The following C2orf49 variants were observed in gnomAD, a reference collection of about 807,000 sequenced individuals.
C2orf49 encodes the protein tRNA splicing ligase complex subunit 2.
A neutral mutation model predicts 20.6 loss-of-function variants in C2orf49; 11 were observed. The ratio of observed to expected loss-of-function variants is 0.53; its 90% confidence interval spans 0.34 to 0.88. C2orf49 has a LOEUF of 0.88. C2orf49 is among the 40% of genes least tolerant of loss of function. The pLI is 0.02. For synonymous variants in C2orf49, 134 were observed against 108.5 expected (o/e 1.24, Z -1.46); for missense variants, 289 against 274.2 (o/e 1.05, Z -0.38).
intron 1 of C2orf49, among the ~76,000 whole-genome samples, chr2:105,339,165 C>T (rs1056808626): frequency 6.6e-6 from 1 of 152,254 alleles, no homozygotes; most frequent in Non-Finnish European, 1.5e-5. Flanking sequence ...CTGAGACCTT[C>T]ATCCCACTAA....
At chr2:105,385,728 G>A in the C2orf49 span, among the ~76,000 whole-genome samples, 3 of 152,292 alleles carry the variant, frequency 2.0e-5, no homozygotes, top group South Asian at 2.1e-4. Context: ...GCTGAGAAGC[G>A]CAGGTCAGGG....
At position 105,345,339 on chromosome 2, in the gene C2orf49, A is replaced by G. The variant is rs1679784284; in HGVS notation, c.667A>G (p.Lys223Glu). The G allele has an allele frequency of 6.2e-7, 1 of 1,613,568 alleles. No homozygotes were observed. Among genetic ancestry groups the G allele is most frequent in the Non-Finnish European group, 8.5e-7 (1 of 1,179,878 alleles). ...GAATAACCTGAAGCCCCCACAAGCA[A>G]AAAGGAAGATACAACATGTTACTTG... ...AMNNLKPPQAKRKIQHVTWP is the reference protein window; with the variant it reads ...AMNNLKPPQAERKIQHVTWP Residue 223 changes from lysine (K) to glutamate (E), a missense_variant, in exon 4 of 4, where the codon AAA becomes GAA. By Grantham distance (56) the Lys-to-Glu change is moderately conservative (BLOSUM62 1). Coordinates refer to ENST00000258457, the MANE Select transcript of C2orf49 (RefSeq NM_024093.3).
chr2:105,368,655 A>T, the C2orf49 span, among the ~76,000 whole-genome samples: 1,170 of 152,310 alleles, frequency 7.7e-3, 8 homozygotes, highest in South Asian at 0.014. Flanking sequence ...CACCCCTGCC[A>T]CCACCAAGCT....
At chr2:105,361,246 G>A in the C2orf49 span, 1 of 1,591,670 alleles carries the variant, frequency 6.3e-7, no homozygotes, top group Middle Eastern at 1.7e-4. Flanking sequence ...AAAAATCTGT[G>A]TGTGAGATCA....
chr2:105,353,205 A>G (rs1466266475), downstream of C2orf49, among the ~76,000 whole-genome samples: 2 of 152,164 alleles, frequency 1.3e-5, no homozygotes, highest in Non-Finnish European at 2.9e-5. Context: ...TCATGAGGAC[A>G]GAGTCCTCAT....
the C2orf49 span, among the ~76,000 whole-genome samples, chr2:105,362,226 A>G: frequency 6.6e-6 from 1 of 152,236 alleles, no homozygotes; most frequent in Non-Finnish European, 1.5e-5. Flanking sequence ...AAAAGATTCC[A>G]AGGGAAATCT....
intron 1 of C2orf49, 86 bp downstream of exon 1, chr2:105,337,772 C>A: frequency 1.7e-6 from 2 of 1,203,236 alleles, no homozygotes; most frequent in African/African-American, 1.5e-5. Flanking sequence ...TAGCCCTCGG[C>A]AACCACGGAC....
the C2orf49 span, among the ~76,000 whole-genome samples, chr2:105,381,070 C>T: frequency 5.7e-4 from 86 of 152,092 alleles, no homozygotes; most frequent in Non-Finnish European, 5.9e-4. Flanking sequence ...CTCTGGGTGG[C>T]AGGGTCACCC....
At chr2:105,343,311 C>A in intron 3 of C2orf49, 88 bp downstream of exon 3, 3 of 1,336,424 alleles carry the variant, frequency 2.2e-6, no homozygotes, top group East Asian at 2.3e-5. Context: ...GTCGACTGTG[C>A]TACATTCTGT....
rs1164777220 is a variant in C2orf49, at chr2:105,346,399, G to A, written c.*1028G>A. 1 of 152,308 alleles carries A rather than the reference G, an allele frequency of 6.6e-6. No homozygotes were observed. Among genetic ancestry groups the A allele is most frequent in the East Asian group, 1.9e-4 (1 of 5,190 alleles). The allele number at this position is 152,308 out of a possible 1,614,324, so 9.4% of individuals were successfully genotyped here. A position where few individuals can be genotyped will look rare whatever the true frequency, so the allele number is the denominator to read the frequency against. ...TCCTTTAGAATGTTCTTGTCATGTA[G>A]CAGTCCTACGTACTCTTTTCATGAG... On this transcript the variant is annotated 3_prime_UTR_variant, in exon 4 of 4. Transcript: ENST00000258457.
chr2:105,378,654 C>T, the C2orf49 span: 1 of 155,986 alleles, frequency 6.4e-6, no homozygotes, highest in African/African-American at 2.4e-5. Flanking sequence ...CTGCACTCAG[C>T]TCCGCAACGT....
chr2:105,373,592 T>C, the C2orf49 span: 4 of 1,614,094 alleles, frequency 2.5e-6, no homozygotes, highest in Non-Finnish European at 2.5e-6. Context: ...TCCTGGCACT[T>C]GGATGAGTAC....
chr2:105,368,358 G>T, the C2orf49 span, among the ~76,000 whole-genome samples: 8 of 151,984 alleles, frequency 5.3e-5, no homozygotes, highest in African/African-American at 1.9e-4. Context: ...TCGAGACAGG[G>T]TCTCACTCTG....
chr2:105,364,078 G>A, the C2orf49 span, among the ~76,000 whole-genome samples: 4 of 152,056 alleles, frequency 2.6e-5, no homozygotes, highest in South Asian at 2.1e-4. Flanking sequence ...CCAACATGGC[G>A]AAACCCCATC....
the C2orf49 span, among the ~76,000 whole-genome samples, chr2:105,383,849 C>T: frequency 6.6e-6 from 1 of 152,246 alleles, no homozygotes; most frequent in Admixed American, 6.5e-5. Flanking sequence ...CAAGGTCTCG[C>T]TTCAACTCAA....
At chr2:105,366,171 C>T in the C2orf49 span, among the ~76,000 whole-genome samples, 11 of 151,734 alleles carry the variant, frequency 7.2e-5, no homozygotes, top group Admixed American at 7.2e-4. Flanking sequence ...GATCGAGCCA[C>T]TGCACTCCAG....
At chr2:105,353,352 A>G (rs1429495902), downstream of C2orf49, among the ~76,000 whole-genome samples, 1 of 152,214 alleles carries the variant, frequency 6.6e-6, no homozygotes, top group Non-Finnish European at 1.5e-5. Flanking sequence ...ATAAATGCTA[A>G]TAGATGTCAG....
Position 105,346,772 on chromosome 2 carries a change from CAG to C in C2orf49, c.*1403_*1404del, listed in dbSNP as rs1371912806. On this transcript the variant is annotated 3_prime_UTR_variant, in exon 4 of 4. Transcript: ENST00000258457. The stretch of plus-strand genomic sequence containing the variant: ...ACAATTCCCACATGGCTGTTCTACA[CAG>C]AATTACCTGCTAAGATTTTTTGTTT... The C allele has an allele frequency of 6.6e-6, 1 of 152,180 alleles. No individual in the cohort carries two copies. The highest frequency in any genetic ancestry group is 1.5e-5 in the Non-Finnish European group (1 of 68,030). 9.4% of individuals were successfully genotyped at this position (152,180 alleles called of 1,614,324 possible).
At chr2:105,355,662 C>T in the C2orf49 span, among the ~76,000 whole-genome samples, 116 of 152,182 alleles carry the variant, frequency 7.6e-4, no homozygotes, top group East Asian at 5.0e-3. Flanking sequence ...CAAGTGCACT[C>T]AAGTTCAAAG....
Sources: allele counts gnomAD v4.1 joint callset (sites outside exome capture counted in the v4.1 genomes callset), GRCh38; gene constraint gnomAD v4.1.1; transcripts MANE v1.5; gene names NCBI Gene and HGNC (gene_info 2026-07-23, HGNC 2026-07-21).